Variants in TRPM6 observed in about 807,000 individuals in gnomAD.
TRPM6 encodes the protein channel kinase 2.
Under a neutral mutation model 247.6 loss-of-function variants are expected in TRPM6, and 111 were observed. The observed-to-expected ratio is 0.45, with a 90% CI of 0.38 to 0.52. The LOEUF is 0.52. Among genes scored for constraint, TRPM6 ranks in the 20% least tolerant of loss-of-function variants. The pLI is 0.00. For missense variants in TRPM6, 2,126 were observed against 2,421.5 expected (o/e 0.88, Z 2.56); for synonymous variants, 892 against 853.8 (o/e 1.04, Z -0.78).
chr9:74,887,356 C>G lies in TRPM6; in HGVS notation c.33+468G>C. On this transcript the variant is annotated intron_variant, in intron 1 of 38. Transcript: ENST00000360774. ...CAGCCGCCTCGGAAAGCCGCGACCC[C>G]CGGCTAGTCAGCGTCCGGGTCTGAG... The G allele has an allele frequency of 1.8e-5, 25 of 1,393,054 alleles. No individual in the cohort carries two copies. In the South Asian group the frequency reaches 4.4e-4, roughly 24 times the overall value. 86.3% of individuals were successfully genotyped at this position (1,393,054 alleles called of 1,614,324 possible).
At chr9:74,805,355 G>A (rs1383811145) in intron 14 of TRPM6, among the ~76,000 whole-genome samples, 1 of 152,166 alleles carries the variant, frequency 6.6e-6, no homozygotes, top group African/African-American at 2.4e-5. Context: ...TGTTGAGGGA[G>A]AACGTTTACC....
intron 28 of TRPM6, among the ~76,000 whole-genome samples, chr9:74,753,738 C>G (rs1826343837): frequency 6.6e-6 from 1 of 152,128 alleles, no homozygotes. Flanking sequence ...GACAGGGCAT[C>G]TGCCTATTCA....
At chr9:74,856,422 A>G (rs1830523782) in intron 2 of TRPM6, among the ~76,000 whole-genome samples, 1 of 151,248 alleles carries the variant, frequency 6.6e-6, no homozygotes, top group Non-Finnish European at 1.5e-5. Context: ...CGTGGGGGAC[A>G]CAGCAAGATC....
chr9:74,827,953 A>G lies in TRPM6; in HGVS notation c.670-4T>C. 3 of 1,613,872 alleles carry G rather than the reference A, an allele frequency of 1.9e-6. No individual in the cohort carries two copies. In the East Asian group the frequency reaches 6.7e-5, roughly 36 times the overall value. On this transcript the variant is annotated splice_polypyrimidine_tract_variant and splice_region_variant and intron_variant, in intron 6 of 38. Transcript: ENST00000360774. ...GAGTCTGGTACAGGCACACCACCTG[A>G]GAGACAGCAAGGACAAGGGAGGGTC...
intron 24 of TRPM6, 47 bp downstream of exon 24, chr9:74,775,836 A>G (rs1827197346): frequency 6.3e-7 from 1 of 1,598,738 alleles, no homozygotes; most frequent in African/African-American, 1.3e-5. Context: ...TTTGCCTTGA[A>G]TCCTACTTTT....
intron 1 of TRPM6, among the ~76,000 whole-genome samples, chr9:74,865,212 T>C (rs949510280): frequency 2.0e-5 from 3 of 152,152 alleles, no homozygotes; most frequent in Admixed American, 2.0e-4. Flanking sequence ...CCAAGTAAAG[T>C]GCATCAGAAA....
chr9:74,802,766 T>C (rs1321217717), intron 15 of TRPM6, among the ~76,000 whole-genome samples: 1 of 152,228 alleles, frequency 6.6e-6, no homozygotes, highest in Admixed American at 6.5e-5. Context: ...ATTCTGATTA[T>C]ATTTATCAGC....
rs192070802 is a variant in TRPM6, at chr9:74,746,791, A to G, written c.5083+1098T>C. ...TAAATAATGGTGGCTTTAAGGCAGG[A>G]GCAGTAGGGTAGACCAAACAGATCA... On this transcript the variant is annotated intron_variant, in intron 31 of 38. Transcript: ENST00000360774. Among the ~76,000 whole-genome samples the G allele has an allele frequency of 2.0e-5, 3 of 147,176 alleles. No individual in the cohort carries two copies. The East Asian group carries it at 6.1e-4, about 30-fold the overall frequency.
Position 74,816,479 on chromosome 9 carries a change from A to C in TRPM6, c.1308+190T>G, listed in dbSNP as rs35719550. On this transcript the variant is annotated intron_variant, in intron 11 of 38. Coordinates refer to ENST00000360774, the MANE Select transcript of TRPM6 (RefSeq NM_017662.5). ...TGCAGAGCCAGGAAAAAAAAAAAAA[A>C]AAAAAAAAAACAGATGGTTTTCAGG... Among the ~76,000 whole-genome samples the C allele has an allele frequency of 8.4e-3, 1,265 of 151,042 alleles. 68 individuals are homozygous for C. Among genetic ancestry groups the C allele is most frequent in the Admixed American group, 0.075 (1,126 of 15,060 alleles).
At chr9:74,867,254 T>C (rs1189761764) in intron 1 of TRPM6, among the ~76,000 whole-genome samples, 3 of 152,192 alleles carry the variant, frequency 2.0e-5, no homozygotes, top group Non-Finnish European at 4.4e-5. Context: ...TGAGAAAATA[T>C]GTCAAAAGGG....
intron 1 of TRPM6, among the ~76,000 whole-genome samples, chr9:74,879,242 G>C (rs1831284810): frequency 1.3e-5 from 2 of 151,334 alleles, no homozygotes; most frequent in African/African-American, 4.8e-5. Context: ...ATGAGCACCT[G>C]AAAACAAGTG....
chr9:74,802,374 C>T (rs961500200), intron 15 of TRPM6, among the ~76,000 whole-genome samples, 199 bp from the exon 16 acceptor site: 5 of 152,086 alleles, frequency 3.3e-5, no homozygotes, highest in Admixed American at 1.3e-4. Context: ...TTTAACAGAT[C>T]CAGAGTCCCT....
chr9:74,854,216 A>C (rs962474408), intron 3 of TRPM6, among the ~76,000 whole-genome samples: 3 of 152,224 alleles, frequency 2.0e-5, no homozygotes, highest in African/African-American at 7.2e-5. Context: ...ACTAGTTTTT[A>C]ACCATTTTTA....
chr9:74,857,354 T>C (rs1830557930), intron 2 of TRPM6, among the ~76,000 whole-genome samples: 1 of 152,138 alleles, frequency 6.6e-6, no homozygotes, highest in Admixed American at 6.5e-5. Context: ...TCATAACACA[T>C]AGTTATGAGT....
chr9:74,760,529 A>G (rs1826588673), intron 27 of TRPM6, among the ~76,000 whole-genome samples: 1 of 152,210 alleles, frequency 6.6e-6, no homozygotes, highest in South Asian at 2.1e-4. Context: ...CTCAGAAAGT[A>G]TCCCCATCAT....
intron 3 of TRPM6, among the ~76,000 whole-genome samples, chr9:74,849,351 C>CAAAA (rs11333236): frequency 1.4e-5 from 1 of 69,418 alleles, no homozygotes; most frequent in African/African-American, 4.4e-5. Flanking sequence ...AACTTCATCT[C>CAAAA]AAAAAAAAAA....
At chr9:74,753,878 G>A (rs754343427) in intron 28 of TRPM6, among the ~76,000 whole-genome samples, 1 of 151,938 alleles carries the variant, frequency 6.6e-6, no homozygotes, top group African/African-American at 2.4e-5. Flanking sequence ...AGATTAGCCG[G>A]GCACTCGGAT....
Position 74,785,980 on chromosome 9 carries a change from C to T in TRPM6, c.2813G>A (p.Gly938Glu). 6.2e-7 allele frequency: 1 copy of T among 1,614,220 alleles called. No individual in the cohort carries two copies. The highest frequency in any genetic ancestry group is 8.5e-7 in the Non-Finnish European group (1 of 1,180,042). The change falls in exon 21 of 39, where the codon GGA (glycine) becomes GAA (glutamate). Residue 938 changes from glycine (G) to glutamate (E), a missense_variant. Gly to Glu is a moderately conservative substitution (Grantham distance 98). Transcript: ENST00000360774. Reference sequence around the variant, plus strand: ...GATGTCTATGCAGTAGATCAGTCTTCCCGCTGTGTGAAAAGGAGGGTCACC... The same window carrying T: ...GATGTCTATGCAGTAGATCAGTCTTTCCGCTGTGTGAAAAGGAGGGTCACC... ...RWGDPPFHTA[G>E]RLIYCIDIIF...
intron 35 of TRPM6, 105 bp downstream of exon 35, chr9:74,739,262 T>C (rs1329178945): frequency 4.5e-6 from 5 of 1,110,776 alleles, no homozygotes; most frequent in Non-Finnish European, 6.9e-6. Context: ...AATAAGATCA[T>C]GGGGAATTTC....
Sources: allele counts gnomAD v4.1 joint callset (sites outside exome capture counted in the v4.1 genomes callset), GRCh38; gene constraint gnomAD v4.1.1; transcripts MANE v1.5; gene names NCBI Gene and HGNC (gene_info 2026-07-23, HGNC 2026-07-21).